TTC27: variants seen among roughly 807,000 people sequenced by gnomAD.
TTC27 encodes tetratricopeptide repeat protein 27.
TTC27 carries 79 observed loss-of-function variants against 115.9 expected under a neutral mutation model. That is an observed-to-expected ratio of 0.68 (90% CI 0.57 to 0.82). TTC27 has a LOEUF of 0.82. TTC27 is among the 40% of genes least tolerant of loss of function. The pLI, the probability that TTC27 is intolerant of heterozygous loss-of-function variation, is 0.00. For synonymous variants in TTC27, 401 were observed against 356.0 expected, an observed-to-expected ratio of 1.13 and a Z score of -1.42; for missense variants, 1,054 against 993.1, an observed-to-expected ratio of 1.06 and a Z score of -0.82.
chr2:32,659,827 C>G (rs893750265), intron 5 of TTC27, among the ~76,000 whole-genome samples: 4 of 152,074 alleles, frequency 2.6e-5, no homozygotes, highest in African/African-American at 9.7e-5. Context: ...CATCCATGTC[C>G]CTGCAAAGGA....
In TTC27 at chr2:32,746,563, C is replaced by CA. The variant is rs770621313; in HGVS notation, c.1452+9766dup. Among the ~76,000 whole-genome samples the CA allele has an allele frequency of 2.4e-4, 11 of 46,306 alleles. 1 individual carries two copies. Among genetic ancestry groups the CA allele is most frequent in the East Asian group, 9.9e-4 (1 of 1,006 alleles). 30.4% of individuals were successfully genotyped at this position (46,306 alleles called of 152,430 possible). A position where few individuals can be genotyped will look rare whatever the true frequency, so the allele number is the denominator to read the frequency against. The stretch of plus-strand genomic sequence containing the variant: ...TGGCAATAAGAGTGAAACTCCATCT[C>CA]AAAAAAAAAAAAAAAAAAAGAATGC... On this transcript the variant is annotated intron_variant, in intron 12 of 19. Coordinates refer to ENST00000317907, the MANE Select transcript of TTC27 (RefSeq NM_017735.5).
chr2:32,808,986 C>T (rs1671228419), intron 16 of TTC27, among the ~76,000 whole-genome samples: 1 of 152,196 alleles, frequency 6.6e-6, no homozygotes, highest in Non-Finnish European at 1.5e-5. Flanking sequence ...AATTTCATTA[C>T]TTTAAGAGTC....
At chr2:32,680,117 T>C (rs1197520273) in intron 9 of TTC27, among the ~76,000 whole-genome samples, 1 of 152,214 alleles carries the variant, frequency 6.6e-6, no homozygotes, top group Non-Finnish European at 1.5e-5. Flanking sequence ...TTGAGTCCTC[T>C]GGTTGTGTGT....
chr2:32,634,551 A>C (rs1283726300), intron 3 of TTC27, among the ~76,000 whole-genome samples: 1 of 151,524 alleles, frequency 6.6e-6, no homozygotes, highest in African/African-American at 2.4e-5. Flanking sequence ...AGCCTCCCAA[A>C]GTGCTAGGAT....
chr2:32,757,729 G>A (rs933927874), intron 12 of TTC27, among the ~76,000 whole-genome samples: 3 of 151,612 alleles, frequency 2.0e-5, no homozygotes, highest in Non-Finnish European at 4.4e-5. Context: ...TTTCACTCTT[G>A]TTGTCCAGGC....
intron 12 of TTC27, among the ~76,000 whole-genome samples, chr2:32,743,364 C>T (rs1025669564): frequency 6.6e-6 from 1 of 152,120 alleles, no homozygotes; most frequent in Admixed American, 6.5e-5. Flanking sequence ...GGAGGCTCAA[C>T]TTAATTTTTC....
chr2:32,796,769 T>A (rs1188821421), intron 16 of TTC27, among the ~76,000 whole-genome samples: 1 of 152,150 alleles, frequency 6.6e-6, no homozygotes. Flanking sequence ...ACTGTAGTAG[T>A]CAAAACAGTG....
At chr2:32,695,028 AT>A (rs1224083537) in intron 9 of TTC27, among the ~76,000 whole-genome samples, 3 of 151,946 alleles carry the variant, frequency 2.0e-5, no homozygotes, top group Non-Finnish European at 4.4e-5. Flanking sequence ...TAAAATACAT[AT>A]TTTTTTATAT....
chr2:32,745,256 C>T (rs1487570520), intron 12 of TTC27, among the ~76,000 whole-genome samples: 1 of 152,074 alleles, frequency 6.6e-6, no homozygotes, highest in East Asian at 1.9e-4. Flanking sequence ...TAGTAGACTT[C>T]GCATGAGAGC....
intron 9 of TTC27, among the ~76,000 whole-genome samples, chr2:32,690,486 C>G (rs781421392): frequency 6.6e-6 from 1 of 152,150 alleles, no homozygotes; most frequent in Non-Finnish European, 1.5e-5. Flanking sequence ...AAGATATCCT[C>G]TAGTTGCTAA....
intron 11 of TTC27, among the ~76,000 whole-genome samples, chr2:32,735,412 G>A (rs1265632592): frequency 2.0e-5 from 3 of 152,110 alleles, no homozygotes; most frequent in Non-Finnish European, 2.9e-5. Flanking sequence ...TCTATTGAGG[G>A]TGTTGCTTTT....
In TTC27 at chr2:32,672,404, G is replaced by C. The variant is rs1446345400; in HGVS notation, c.1052+20G>C. On this transcript the variant is annotated intron_variant, in intron 8 of 19. Transcript: ENST00000317907. ...AATCTGGTGAGTTAATGACTGACTT[G>C]GCTGCTTTGAACACTTTGCATATTG... is the stretch of plus-strand genomic sequence containing the variant. 3.2e-6 allele frequency: 5 copies of C among 1,573,354 alleles called. No individual in the cohort carries two copies. The highest frequency in any genetic ancestry group is 2.2e-5 in the South Asian group (2 of 89,816).
chr2:32,644,798 T>C (rs1006181556), intron 4 of TTC27, among the ~76,000 whole-genome samples: 6 of 151,752 alleles, frequency 4.0e-5, no homozygotes, highest in African/African-American at 9.7e-5. Flanking sequence ...TACTATATCA[T>C]TCTTTTTTCC....
intron 15 of TTC27, among the ~76,000 whole-genome samples, chr2:32,785,501 G>A (rs962103202): frequency 2.0e-5 from 3 of 151,850 alleles, no homozygotes; most frequent in South Asian, 2.1e-4. Flanking sequence ...TTTATAATTC[G>A]AATTCTGTGT....
At chr2:32,672,184 A>T in intron 7 of TTC27, 88 bp from the exon 8 acceptor site, 1 of 909,216 alleles carries the variant, frequency 1.1e-6, no homozygotes, top group South Asian at 1.6e-5. Context: ...AGTTAACTTT[A>T]TCCTTTCTAG....
intron 5 of TTC27, among the ~76,000 whole-genome samples, chr2:32,656,246 A>G (rs1665311368): frequency 6.6e-6 from 1 of 152,164 alleles, no homozygotes; most frequent in Admixed American, 6.6e-5. Context: ...CAGTGAACTT[A>G]GTGAGATAAG....
intron 7 of TTC27, among the ~76,000 whole-genome samples, chr2:32,668,682 A>G (rs1665892724): frequency 6.6e-6 from 1 of 151,724 alleles, no homozygotes; most frequent in African/African-American, 2.4e-5. Flanking sequence ...TCAACCTCCC[A>G]AAGTGCTGGG....
intron 13 of TTC27, chr2:32,766,393 C>G (rs950985667): frequency 3.6e-5 from 10 of 274,350 alleles, no homozygotes; most frequent in Non-Finnish European, 6.8e-5. Flanking sequence ...GTATGTGTGA[C>G]TCTTCCTTTT....
intron 10 of TTC27, among the ~76,000 whole-genome samples, chr2:32,703,141 C>T (rs1667249133): frequency 6.6e-6 from 1 of 152,198 alleles, no homozygotes; most frequent in South Asian, 2.1e-4. Flanking sequence ...CTCCAAACCT[C>T]ATTTTCATCA....
Sources: gnomAD v4.1 joint callset for allele counts (sites outside exome capture counted in the v4.1 genomes callset) on GRCh38, gnomAD v4.1.1 for gene constraint, MANE v1.5 for transcripts, NCBI Gene and HGNC (gene_info 2026-07-23, HGNC 2026-07-21) for gene names.